NRXN1: variants seen among roughly 807,000 people sequenced by gnomAD.
The protein encoded by NRXN1 is neurexin 1.
NRXN1 carries 39 observed loss-of-function variants against 150.9 expected under a neutral mutation model. The observed-to-expected ratio is 0.26, with a 90% CI of 0.20 to 0.34. The LOEUF is 0.34. NRXN1 is among the 10% of genes least tolerant of loss of function. The pLI is 1.00. For synonymous variants in NRXN1, 924 were observed against 757.0 expected, an observed-to-expected ratio of 1.22 and a Z score of -3.62; for missense variants, 1,815 against 1,949.9, an observed-to-expected ratio of 0.93 and a Z score of 1.30.
chr2:50,535,898 A>G (rs1234112917), intron 10 of NRXN1, among the ~76,000 whole-genome samples: 1 of 152,162 alleles, frequency 6.6e-6, no homozygotes, highest in African/African-American at 2.4e-5. Flanking sequence ...ATTTTCATAA[A>G]TTATAAATTA....
chr2:50,049,234 GC>G (rs1299266440), intron 21 of NRXN1, among the ~76,000 whole-genome samples: 3 of 152,096 alleles, frequency 2.0e-5, no homozygotes. Context: ...TACTATCCAG[GC>G]CAACTGGGCT....
intron 5 of NRXN1, among the ~76,000 whole-genome samples, chr2:50,835,272 G>A (rs1671952333): frequency 6.6e-6 from 1 of 151,974 alleles, no homozygotes; most frequent in Admixed American, 6.6e-5. Flanking sequence ...TGATATAAAA[G>A]AAAATCTAAT....
chr2:50,517,893 T>C (rs887336356), intron 12 of NRXN1, among the ~76,000 whole-genome samples: 3 of 152,162 alleles, frequency 2.0e-5, no homozygotes, highest in African/African-American at 7.2e-5. Flanking sequence ...ACTTATTCTA[T>C]TATCTACAAA....
intron 13 of NRXN1, among the ~76,000 whole-genome samples, chr2:50,497,991 AAACAAATT>A (rs2091738293): frequency 1.3e-5 from 2 of 152,212 alleles, no homozygotes; most frequent in African/African-American, 4.8e-5. Flanking sequence ...GGCGAAAAAT[AAACAAATT>A]AGCAAGAGAG....
chr2:51,000,416 T>C (rs965480741), intron 2 of NRXN1, among the ~76,000 whole-genome samples: 2 of 151,960 alleles, frequency 1.3e-5, no homozygotes, highest in Admixed American at 6.6e-5. Flanking sequence ...GCTTCCACTA[T>C]ACAAGGCTCT....
At chr2:50,168,775 T>C (rs901577530) in intron 18 of NRXN1, among the ~76,000 whole-genome samples, 2 of 152,204 alleles carry the variant, frequency 1.3e-5, no homozygotes, top group African/African-American at 4.8e-5. Context: ...AAGAAAAACT[T>C]GCAAGTGCCT....
chr2:50,417,896 T>A (rs1249519259), intron 17 of NRXN1, among the ~76,000 whole-genome samples: 1 of 151,902 alleles, frequency 6.6e-6, no homozygotes, highest in Non-Finnish European at 1.5e-5. Context: ...TAGATGGGGC[T>A]GCACAGATAA....
At chr2:49,945,618 ATGAG>A (rs1411094480) in intron 21 of NRXN1, among the ~76,000 whole-genome samples, 1 of 151,994 alleles carries the variant, frequency 6.6e-6, no homozygotes, top group Non-Finnish European at 1.5e-5. Context: ...ACTCCCACTT[ATGAG>A]TGAGAATATG....
At chr2:50,908,538 G>T (rs1684064695) in intron 5 of NRXN1, among the ~76,000 whole-genome samples, 1 of 151,954 alleles carries the variant, frequency 6.6e-6, no homozygotes, top group African/African-American at 2.4e-5. Context: ...GACAATTAGA[G>T]CATGCCAAGA....
Position 50,989,120 on chromosome 2 carries a change from T to C in NRXN1, c.772+38382A>G, listed in dbSNP as rs191402564. 7.2e-5 allele frequency among the ~76,000 whole-genome samples: 11 copies of C among 152,122 alleles called. No individual in the cohort carries two copies. The East Asian group carries it at 9.7e-4, about 13-fold the overall frequency. On this transcript the variant is annotated intron_variant, in intron 2 of 22. Coordinates refer to ENST00000401669, the MANE Select transcript of NRXN1 (RefSeq NM_001330078.2). ...TTCTAAATTGGCAAATTTATCCCAA[T>C]TGGAGGGATAATCAGTGAGAAATAA...
At chr2:50,375,737 A>G (rs1440560875) in intron 17 of NRXN1, among the ~76,000 whole-genome samples, 2 of 151,768 alleles carry the variant, frequency 1.3e-5, no homozygotes, top group African/African-American at 2.4e-5. Flanking sequence ...GCCAAGTAAT[A>G]ATGCGATATG....
At chr2:50,572,568 A>G (rs1329929820) in intron 8 of NRXN1, among the ~76,000 whole-genome samples, 1 of 152,284 alleles carries the variant, frequency 6.6e-6, no homozygotes, top group East Asian at 1.9e-4. Flanking sequence ...ATTAATTGTT[A>G]TATCAATTCT....
At chr2:50,557,136 G>A (rs1668375927) in intron 8 of NRXN1, among the ~76,000 whole-genome samples, 1 of 152,164 alleles carries the variant, frequency 6.6e-6, no homozygotes, top group Admixed American at 6.5e-5. Flanking sequence ...GTTTTGTACA[G>A]ATGGTGCTAA....
At chr2:50,883,421 CT>C (rs11388531) in intron 5 of NRXN1, among the ~76,000 whole-genome samples, 7,124 of 143,746 alleles carry the variant, frequency 0.05, 192 homozygotes, top group East Asian at 0.083. Context: ...ACATTTACAT[CT>C]TTTTTTTTTT....
chr2:50,975,180 G>A (rs1695628422), intron 2 of NRXN1, among the ~76,000 whole-genome samples: 1 of 152,020 alleles, frequency 6.6e-6, no homozygotes, highest in Admixed American at 6.6e-5. Flanking sequence ...AGAGATAATG[G>A]AAAGTATTCT....
rs574577013 is a variant in NRXN1, at chr2:50,784,134, A to G, written c.832+137735T>C. On this transcript the variant is annotated intron_variant, in intron 5 of 22. Coordinates refer to ENST00000401669, the MANE Select transcript of NRXN1 (RefSeq NM_001330078.2). Reference sequence around the variant, plus strand: ...GTGTATGGGTGGGTATGTATGTGTGAGACAGATTGGAAGTTTCTTCAATAA... The same window carrying G: ...GTGTATGGGTGGGTATGTATGTGTGGGACAGATTGGAAGTTTCTTCAATAA... Among the ~76,000 whole-genome samples, 17 of 152,270 alleles carry G rather than the reference A, an allele frequency of 1.1e-4. 2 individuals carry two copies. In the South Asian group the frequency reaches 3.5e-3, roughly 32 times the overall value.
At chr2:50,028,258 T>G (rs942298678) in intron 21 of NRXN1, among the ~76,000 whole-genome samples, 1 of 152,158 alleles carries the variant, frequency 6.6e-6, no homozygotes, top group Admixed American at 6.5e-5. Flanking sequence ...GCTTTTATAA[T>G]CCTATAAATA....
chr2:50,466,162 A>T (rs990729459), intron 16 of NRXN1, among the ~76,000 whole-genome samples: 2 of 151,864 alleles, frequency 1.3e-5, no homozygotes, highest in African/African-American at 2.4e-5. Context: ...TAAACATACA[A>T]GTAAAAAGAA....
At chr2:51,014,572 A>G (rs1279874385) in intron 2 of NRXN1, among the ~76,000 whole-genome samples, 2 of 151,996 alleles carry the variant, frequency 1.3e-5, no homozygotes, top group African/African-American at 4.8e-5. Context: ...CACAGGAGAG[A>G]TTATCCTATG....
Sources: gnomAD v4.1 joint callset for allele counts (sites outside exome capture counted in the v4.1 genomes callset) on GRCh38, gnomAD v4.1.1 for gene constraint, MANE v1.5 for transcripts, NCBI Gene and HGNC (gene_info 2026-07-23, HGNC 2026-07-21) for gene names.